The following MAP4K4 variants were observed in gnomAD, a reference collection of about 807,000 sequenced individuals.
MAP4K4 encodes mitogen-activated protein kinase kinase kinase kinase 4, also known as HPK/GCK-like kinase HGK.
Under a neutral mutation model 189.6 loss-of-function variants are expected in MAP4K4, and 38 were observed. The ratio of observed to expected loss-of-function variants is 0.20; its 90% confidence interval spans 0.15 to 0.26. The LOEUF (loss-of-function observed/expected upper bound fraction) is 0.26. MAP4K4 is among the 10% of genes least tolerant of loss of function. The pLI is 1.00. For missense variants in MAP4K4, 1,054 were observed against 1,726.9 expected (o/e 0.61, Z 6.91); for synonymous variants, 610 against 624.3 (o/e 0.98, Z 0.34).
At chr2:101,742,099 T>G (rs2063092746) in intron 2 of MAP4K4, among the ~76,000 whole-genome samples, 1 of 152,166 alleles carries the variant, frequency 6.6e-6, no homozygotes, top group South Asian at 2.1e-4. Flanking sequence ...CCAGGGTCCC[T>G]GGGCTCTAGT....
Position 101,757,655 on chromosome 2 carries a change from A to C in MAP4K4, c.124-33065A>C, listed in dbSNP as rs78528739. Among the ~76,000 whole-genome samples the C allele has an allele frequency of 5.9e-3, 897 of 152,358 alleles. 9 individuals carry two copies. The highest frequency in any genetic ancestry group is 0.021 in the African/African-American group (869 of 41,582). On this transcript the variant is annotated intron_variant, in intron 2 of 32. Transcript: ENST00000324219. ...TAGTACTGAACCCCATGGTTTTCCTATACATACATAGCTAAAATTTAATTT... is the reference window on the plus strand; with the variant it reads ...TAGTACTGAACCCCATGGTTTTCCTCTACATACATAGCTAAAATTTAATTT...
chr2:101,892,166 G>A (rs945057060), exon 33 of MAP4K4: 5 of 152,410 alleles, frequency 3.3e-5, no homozygotes, highest in African/African-American at 1.2e-4. Context: ...TGCACTTGCA[G>A]AAGAAAGAAA....
At chr2:101,815,188 T>G (rs1294871854) in intron 3 of MAP4K4, among the ~76,000 whole-genome samples, 7 of 152,252 alleles carry the variant, frequency 4.6e-5, no homozygotes, top group Admixed American at 4.6e-4. Context: ...TATGCGTGAC[T>G]TAATTTTTTT....
Position 101,719,915 on chromosome 2 carries a change from G to A in MAP4K4, c.123+21377G>A, listed in dbSNP as rs1274534093. ...TAGTCCCAGCTACTTGGGAGGCTGA[G>A]GCAGGAGAATTGCTTGTACCTGGGA... is the stretch of plus-strand genomic sequence containing the variant. On this transcript the variant is annotated intron_variant, in intron 2 of 32. Coordinates refer to ENST00000324219, the Ensembl canonical transcript of MAP4K4. Among the ~76,000 whole-genome samples the A allele has an allele frequency of 2.6e-5, 4 of 152,118 alleles. No individual in the cohort carries two copies. In the East Asian group the frequency reaches 7.9e-4, roughly 30 times the overall value.
At chr2:101,776,892 T>C (rs2084478589) in intron 2 of MAP4K4, among the ~76,000 whole-genome samples, 1 of 152,186 alleles carries the variant, frequency 6.6e-6, no homozygotes, top group Non-Finnish European at 1.5e-5. Context: ...ATAAGCAATG[T>C]TACGGACCTA....
At chr2:101,812,415 G>A (rs145133621) in intron 3 of MAP4K4, among the ~76,000 whole-genome samples, 33 of 152,254 alleles carry the variant, frequency 2.2e-4, no homozygotes, top group African/African-American at 7.7e-4. Context: ...CATGTCTTTC[G>A]TTCAGCCACT....
intron 3 of MAP4K4, among the ~76,000 whole-genome samples, chr2:101,810,788 A>G (rs1047880317): frequency 6.6e-6 from 1 of 152,120 alleles, no homozygotes; most frequent in Non-Finnish European, 1.5e-5. Context: ...TTCTGTGTCT[A>G]TTTTTAGTTA....
chr2:101,703,617 C>CA (rs58122658), intron 2 of MAP4K4, among the ~76,000 whole-genome samples: 1,004 of 38,344 alleles, frequency 0.026, 22 homozygotes, highest in South Asian at 0.047. Context: ...GACTCTGTCT[C>CA]AAAAAAAAAA....
intron 3 of MAP4K4, among the ~76,000 whole-genome samples, chr2:101,817,562 G>C (rs1157831972): frequency 1.3e-5 from 2 of 152,192 alleles, no homozygotes; most frequent in Non-Finnish European, 2.9e-5. Flanking sequence ...TTAGATACCA[G>C]CTGAGTAGTG....
At chr2:101,859,767 C>T (rs758823238) in exon 15 of MAP4K4, 61 of 1,609,814 alleles carry the variant, frequency 3.8e-5, no homozygotes, top group South Asian at 4.4e-5. Context: ...CCGCAGCACT[C>T]GCAGCAGCCG....
At chr2:101,817,744 C>G (rs1241626105) in intron 3 of MAP4K4, among the ~76,000 whole-genome samples, 1 of 152,198 alleles carries the variant, frequency 6.6e-6, no homozygotes, top group African/African-American at 2.4e-5. Context: ...AATCCCAGAA[C>G]TAGCTCATTG....
At chr2:101,874,579 A>G (rs776527771) in intron 26 of MAP4K4, among the ~76,000 whole-genome samples, 13 of 152,332 alleles carry the variant, frequency 8.5e-5, no homozygotes, top group South Asian at 2.1e-4. Flanking sequence ...ATTATACTCA[A>G]TAGTGTACAT....
rs942730274 is a variant in MAP4K4 at position 101,887,391 on chromosome 2, C to T, written c.3771+154C>T. On this transcript the variant is annotated intron_variant, in intron 30 of 32. Transcript: ENST00000324219. ...AATGATACGCAATTTTCAATAGCTC[C>T]ATGCTCTTAGACAAGTGGAAATCCG... The T allele has an allele frequency of 4.2e-6, 3 of 718,262 alleles. No homozygotes were observed. In the African/African-American group the frequency reaches 5.5e-5, roughly 13 times the overall value. 44.5% of individuals were successfully genotyped at this position (718,262 alleles called of 1,614,324 possible).
intron 13 of MAP4K4, among the ~76,000 whole-genome samples, chr2:101,858,519 A>G (rs955644442): frequency 2.6e-5 from 4 of 152,180 alleles, no homozygotes; most frequent in Admixed American, 1.3e-4. Context: ...TAGTGAAAGC[A>G]TGAATCATGT....
Position 101,867,700 on chromosome 2 carries a change from C to T in MAP4K4, c.2455-329C>T, listed in dbSNP as rs1054161292. On this transcript the variant is annotated intron_variant, in intron 20 of 32. Coordinates refer to ENST00000324219, the Ensembl canonical transcript of MAP4K4. ...TTGGCATTAACCTTTACTTATTCTT[C>T]GTGAGTTCAGCATTTACAATACTGG... 26 of 394,074 alleles carry T rather than the reference C, an allele frequency of 6.6e-5. No individual in the cohort carries two copies. The East Asian group carries it at 7.8e-4, about 12-fold the overall frequency. 24.4% of individuals were successfully genotyped at this position (394,074 alleles called of 1,614,324 possible).
At chr2:101,774,482 T>G (rs1271731981) in intron 2 of MAP4K4, among the ~76,000 whole-genome samples, 3 of 152,234 alleles carry the variant, frequency 2.0e-5, no homozygotes. Flanking sequence ...GATGGTTAGT[T>G]TGCAAATATT....
intron 13 of MAP4K4, among the ~76,000 whole-genome samples, chr2:101,856,460 C>T (rs931282070): frequency 6.6e-6 from 1 of 151,628 alleles, no homozygotes; most frequent in African/African-American, 2.4e-5. Context: ...GCTGTAGACC[C>T]CAAATATATG....
chr2:101,860,122 T>G, intron 15 of MAP4K4: 1 of 539,886 alleles, frequency 1.9e-6, no homozygotes, highest in Admixed American at 3.1e-5. Flanking sequence ...TGAACTAAAC[T>G]AAAAGATTAC....
chr2:101,755,576 T>A (rs2072033003), intron 2 of MAP4K4, among the ~76,000 whole-genome samples: 1 of 152,220 alleles, frequency 6.6e-6, no homozygotes, highest in African/African-American at 2.4e-5. Flanking sequence ...TTGGTCTCTT[T>A]ATGTCTGTCT....
Sources: gnomAD v4.1 joint callset for allele counts (sites outside exome capture counted in the v4.1 genomes callset) on GRCh38, gnomAD v4.1.1 for gene constraint, MANE v1.5 for transcripts, NCBI Gene and HGNC (gene_info 2026-07-23, HGNC 2026-07-21) for gene names.